PGR: variants seen among roughly 807,000 people sequenced by gnomAD.
The protein encoded by PGR is nuclear receptor subfamily 3 group C member 3.
A neutral mutation model predicts 76.1 loss-of-function variants in PGR; 25 were observed. That is an observed-to-expected ratio of 0.33 (90% CI 0.24 to 0.46). The LOEUF is 0.46. Among genes scored for constraint, PGR ranks in the 20% least tolerant of loss-of-function variants. The pLI, the probability that PGR is intolerant of heterozygous loss-of-function variation, is 1.00. For missense variants in PGR, 1,172 were observed against 1,225.3 expected (o/e 0.96, Z 0.65); for synonymous variants, 579 against 535.0 (o/e 1.08, Z -1.14).
chr11:101,115,325 A>C (rs1010042532), intron 2 of PGR, among the ~76,000 whole-genome samples: 4 of 152,104 alleles, frequency 2.6e-5, no homozygotes, highest in Non-Finnish European at 4.4e-5. Context: ...CTTGAAATCA[A>C]AAACACATTT....
At position 101,039,602 on chromosome 11, in the gene PGR, T is replaced by C. The variant is rs565077530; in HGVS notation, c.2647-331A>G. 7.2e-5 allele frequency among the ~76,000 whole-genome samples: 11 copies of C among 152,114 alleles called. No individual in the cohort carries two copies. The South Asian group carries it at 2.3e-3, about 31-fold the overall frequency. ...ACATGTATACAGACATACCCAAGCA[T>C]ACACACAATATTACACATGTTTCAT... On this transcript the variant is annotated intron_variant, in intron 7 of 7. Coordinates refer to ENST00000325455, the MANE Select transcript of PGR (RefSeq NM_000926.4).
At chr11:101,106,878 T>C (rs912103164) in intron 2 of PGR, among the ~76,000 whole-genome samples, 4 of 152,180 alleles carry the variant, frequency 2.6e-5, no homozygotes, top group Non-Finnish European at 5.9e-5. Context: ...TGGAATACTA[T>C]GCAGCCATAA....
Position 101,127,960 on chromosome 11 carries a change from C to G in PGR, c.1111G>C (p.Asp371His). The G allele has an allele frequency of 6.2e-7, 1 of 1,612,124 alleles. No individual in the cohort carries two copies. Among genetic ancestry groups the G allele is most frequent in the East Asian group, 2.2e-5 (1 of 44,758 alleles). The change falls in exon 1 of 8, where the codon GAC becomes CAC. Residue 371 changes from aspartate (D) to histidine (H), a missense_variant. Transcript: ENST00000325455. ...TCGCTATAGAGAGGGTACGCGTCGT[C>G]CTTGGGCTCGGCGTCGGGCGGGTAC... ...CAYPPDAEPK[D>H]DAYPLYSDFQ...
intron 6 of PGR, among the ~76,000 whole-genome samples, chr11:101,046,853 A>G (rs1018585270): frequency 8.5e-5 from 13 of 152,088 alleles, no homozygotes; most frequent in African/African-American, 3.1e-4. Flanking sequence ...GATTTGCCCA[A>G]AAGTTCAGTA....
intron 4 of PGR, among the ~76,000 whole-genome samples, chr11:101,061,615 T>C (rs1025528731): frequency 1.3e-5 from 2 of 152,188 alleles, no homozygotes; most frequent in Non-Finnish European, 2.9e-5. Flanking sequence ...AATTTGTCTA[T>C]AGCAGTATAA....
At chr11:101,115,663 C>T (rs1225451274) in intron 2 of PGR, among the ~76,000 whole-genome samples, 2 of 151,870 alleles carry the variant, frequency 1.3e-5, no homozygotes, top group Non-Finnish European at 2.9e-5. Context: ...CCCAGCTACT[C>T]GGGAGGCTGA....
chr11:101,126,092 T>C lies in PGR; in HGVS notation c.1704A>G (p.Leu568=). 6.2e-7 allele frequency: 1 copy of C among 1,614,046 alleles called. No individual in the cohort carries two copies. The highest frequency in any genetic ancestry group is 8.5e-7 in the Non-Finnish European group (1 of 1,179,922). The change falls in exon 2 of 8, where the codon TTA becomes TTG. Residue 568 remains leucine (L), a synonymous_variant. Coordinates refer to ENST00000325455, the MANE Select transcript of PGR (RefSeq NM_000926.4). ...SFESLPQKIC[L]ICGDEASGCH... is the part of the protein sequence containing the mutation. ...AGCCTGATGCTTCATCCCCACAGATTAAACAAATCTTCTGAGGTAATGACT... is the reference window on the plus strand; with the variant it reads ...AGCCTGATGCTTCATCCCCACAGATCAAACAAATCTTCTGAGGTAATGACT...
Position 101,128,260 on chromosome 11 carries a change from C to T in PGR, c.811G>A (p.Glu271Lys), listed in dbSNP as rs1270021730. Reference sequence around the variant, plus strand: ...CTGGGCGCTGAGAAGCGGGAATCTTCCTTGGGGACCAGGGCGACGCCTCCT... The same window carrying T: ...CTGGGCGCTGAGAAGCGGGAATCTTTCTTGGGGACCAGGGCGACGCCTCCT... ...AAGGVALVPK[E>K]DSRFSAPRVA... Residue 271 changes from glutamate to lysine, a missense_variant, in exon 1 of 8, where the codon GAA becomes AAA. Physicochemically the swap from Glu to Lys is moderately conservative, Grantham distance 56. Transcript: ENST00000325455. 1.3e-6 allele frequency: 2 copies of T among 1,594,156 alleles called. No individual in the cohort carries two copies. The highest frequency in any genetic ancestry group is 1.1e-5 in the South Asian group (1 of 90,338).
At chr11:101,078,065 G>T (rs1861181519) in intron 3 of PGR, among the ~76,000 whole-genome samples, 1 of 152,146 alleles carries the variant, frequency 6.6e-6, no homozygotes. Context: ...AAGACTTGTA[G>T]CCTTGTTGGC....
intron 3 of PGR, among the ~76,000 whole-genome samples, chr11:101,087,160 C>T (rs756637711): frequency 1.2e-4 from 19 of 152,292 alleles, no homozygotes; most frequent in Admixed American, 6.5e-4. Context: ...TCAGAGGCAT[C>T]ACATTACCCA....
In PGR at chr11:101,031,028, G is replaced by A. The variant is rs543358848; in HGVS notation, c.*8088C>T. 19 of 191,546 alleles carry A rather than the reference G, an allele frequency of 9.9e-5. No individual in the cohort carries two copies. Among genetic ancestry groups the A allele is most frequent in the African/African-American group, 3.5e-4 (15 of 43,098 alleles). 11.9% of individuals were successfully genotyped at this position (191,546 alleles called of 1,614,324 possible). A position where few individuals can be genotyped will look rare whatever the true frequency, so the allele number is the denominator to read the frequency against. ...GTAAAGTCTGCAACATCTTAGAGAA[G>A]CTTGGATTTAGTGTGGTGGCAGCTG... On this transcript the variant is annotated 3_prime_UTR_variant, in exon 8 of 8. Transcript: ENST00000325455.
intron 4 of PGR, among the ~76,000 whole-genome samples, chr11:101,052,040 T>A (rs114804766): frequency 6.6e-6 from 1 of 152,066 alleles, no homozygotes; most frequent in Non-Finnish European, 1.5e-5. Flanking sequence ...AAAAGAGAGA[T>A]AATGCCTGAA....
intron 4 of PGR, among the ~76,000 whole-genome samples, chr11:101,055,408 C>A (rs1288119486): frequency 1.2e-5 from 1 of 86,400 alleles, no homozygotes; most frequent in Non-Finnish European, 2.0e-5. Context: ...CAGCGAGACT[C>A]CATCTCAAAA....
At position 101,035,863 on chromosome 11, in the gene PGR, A is replaced by C. The variant is rs1859493624; in HGVS notation, c.*3253T>G. 1 of 231,078 alleles carries C rather than the reference A, an allele frequency of 4.3e-6. No homozygotes were observed. Among genetic ancestry groups the C allele is most frequent in the Admixed American group, 5.6e-5 (1 of 17,724 alleles). 14.3% of individuals were successfully genotyped at this position (231,078 alleles called of 1,614,324 possible). A position where few individuals can be genotyped will look rare whatever the true frequency, so the allele number is the denominator to read the frequency against. ...TGAGACTTTCTAGAATCCTGCTTTCACTGTAGAATATAGCTGGTGAGTTTG... is the reference window on the plus strand; with the variant it reads ...TGAGACTTTCTAGAATCCTGCTTTCCCTGTAGAATATAGCTGGTGAGTTTG... On this transcript the variant is annotated 3_prime_UTR_variant, in exon 8 of 8. Transcript: ENST00000325455.
At chr11:101,054,335 A>G (rs1462419072) in intron 4 of PGR, among the ~76,000 whole-genome samples, 1 of 152,186 alleles carries the variant, frequency 6.6e-6, no homozygotes, top group East Asian at 1.9e-4. Context: ...GCAGCCAAAA[A>G]AATTTTTGGT....
Position 101,049,862 on chromosome 11 carries a change from T to C in PGR, c.2488+67A>G. Reference sequence around the variant, plus strand: ...CTCATACATAACTATATAATCATATTGTTTGCAACTTTTCTAATGAATTAA... The same window carrying C: ...CTCATACATAACTATATAATCATATCGTTTGCAACTTTTCTAATGAATTAA... On this transcript the variant is annotated intron_variant, in intron 6 of 7. Transcript: ENST00000325455. 1.3e-5 allele frequency: 18 copies of C among 1,340,130 alleles called. 1 individual carries two copies. The South Asian group carries it at 2.1e-4, about 16-fold the overall frequency. 83.0% of individuals were successfully genotyped at this position (1,340,130 alleles called of 1,614,324 possible). A position where few individuals can be genotyped will look rare whatever the true frequency, so the allele number is the denominator to read the frequency against.
chr11:101,111,315 T>C (rs902521610), intron 2 of PGR, among the ~76,000 whole-genome samples: 8 of 152,106 alleles, frequency 5.3e-5, no homozygotes, highest in African/African-American at 1.7e-4. Context: ...CTTCTATATT[T>C]CAGGTTCACT....
rs1215105738 is a variant in PGR, at chr11:101,034,294, G to A, written c.*4822C>T. 1.8e-5 allele frequency: 4 copies of A among 219,030 alleles called. No individual in the cohort carries two copies. Among genetic ancestry groups the A allele is most frequent in the Non-Finnish European group, 3.7e-5 (4 of 109,036 alleles). 13.6% of individuals were successfully genotyped at this position (219,030 alleles called of 1,614,324 possible). ...GGACTAGGCCAGCAGTCCTGCAACAGTCTTCCAGACTCCACAGCTGCATAA... is the reference window on the plus strand; with the variant it reads ...GGACTAGGCCAGCAGTCCTGCAACAATCTTCCAGACTCCACAGCTGCATAA... On this transcript the variant is annotated 3_prime_UTR_variant, in exon 8 of 8. Coordinates refer to ENST00000325455, the MANE Select transcript of PGR (RefSeq NM_000926.4).
chr11:101,072,556 C>A (rs1860976748), intron 3 of PGR, among the ~76,000 whole-genome samples: 1 of 152,156 alleles, frequency 6.6e-6, no homozygotes, highest in Non-Finnish European at 1.5e-5. Flanking sequence ...AGTCAAGACC[C>A]ATTGGTGTGC....
Sources: gnomAD v4.1 joint callset for allele counts (sites outside exome capture counted in the v4.1 genomes callset) on GRCh38, gnomAD v4.1.1 for gene constraint, MANE v1.5 for transcripts, NCBI Gene and HGNC (gene_info 2026-07-23, HGNC 2026-07-21) for gene names.